RPS6KC1: variants seen among roughly 807,000 people sequenced by gnomAD.
RPS6KC1 encodes the protein ribosomal protein S6 kinase C1.
RPS6KC1 carries 54 observed loss-of-function variants against 103.8 expected under a neutral mutation model. The observed-to-expected ratio is 0.52, with a 90% CI of 0.42 to 0.65. The LOEUF (loss-of-function observed/expected upper bound fraction) is 0.65. Ranked by LOEUF, RPS6KC1 falls within the 30% of genes least tolerant of loss-of-function variation. RPS6KC1 has a pLI of 0.00. For missense variants in RPS6KC1, 1,151 were observed against 1,253.8 expected (o/e 0.92, Z 1.24); for synonymous variants, 439 against 438.7 (o/e 1.00, Z -0.01).
chr1:213,642,520 A>G, the RPS6KC1 span, among the ~76,000 whole-genome samples: 6 of 152,212 alleles, frequency 3.9e-5, no homozygotes, highest in South Asian at 1.2e-3. Context: ...GAAAGTGCCT[A>G]TTTTAATGCT....
At chr1:213,111,525 G>A (rs2083029120) in intron 4 of RPS6KC1, among the ~76,000 whole-genome samples, 1 of 151,908 alleles carries the variant, frequency 6.6e-6, no homozygotes, top group South Asian at 2.1e-4. Context: ...TGTTAAACTA[G>A]GTAAATAAAA....
the RPS6KC1 span, among the ~76,000 whole-genome samples, chr1:213,293,997 A>G: frequency 8.5e-5 from 13 of 152,314 alleles, no homozygotes; most frequent in South Asian, 2.7e-3. Flanking sequence ...CTTTGTTTAT[A>G]CTGAGCTTGA....
chr1:213,802,960 G>C, the RPS6KC1 span, among the ~76,000 whole-genome samples: 2 of 152,178 alleles, frequency 1.3e-5, no homozygotes, highest in South Asian at 4.1e-4. Context: ...GAAGAAAACA[G>C]ATAAGGGAGC....
At chr1:213,825,474 T>G in the RPS6KC1 span, among the ~76,000 whole-genome samples, 36 of 152,208 alleles carry the variant, frequency 2.4e-4, no homozygotes, top group African/African-American at 8.7e-4. Flanking sequence ...AACCCGGTGC[T>G]AGAGGGATAC....
the RPS6KC1 span, among the ~76,000 whole-genome samples, chr1:213,545,715 A>G: frequency 6.6e-6 from 1 of 152,206 alleles, no homozygotes; most frequent in African/African-American, 2.4e-5. Flanking sequence ...AATTCAACCC[A>G]TATGAGTATC....
At chr1:213,209,192 A>G (rs1446831921) in intron 8 of RPS6KC1, among the ~76,000 whole-genome samples, 2 of 151,924 alleles carry the variant, frequency 1.3e-5, no homozygotes, top group African/African-American at 4.8e-5. Context: ...CTTATTCTTA[A>G]TTGTTGTTTT....
chr1:213,107,763 C>A (rs985544711), intron 4 of RPS6KC1, among the ~76,000 whole-genome samples: 8 of 152,194 alleles, frequency 5.3e-5, no homozygotes, highest in South Asian at 4.1e-4. Context: ...AATGTTTGAA[C>A]TTACCAGTTG....
At chr1:213,260,031 G>A (rs554222278) in intron 12 of RPS6KC1, among the ~76,000 whole-genome samples, 2 of 152,234 alleles carry the variant, frequency 1.3e-5, no homozygotes, top group Admixed American at 6.5e-5. Flanking sequence ...GAGCCACCTC[G>A]CCTGGCCCTA....
chr1:213,808,704 AG>A, the RPS6KC1 span, among the ~76,000 whole-genome samples: 1 of 152,220 alleles, frequency 6.6e-6, no homozygotes, highest in East Asian at 1.9e-4. Flanking sequence ...TGACTAGGAA[AG>A]GGAACTCCCT....
At chr1:213,565,545 G>T in the RPS6KC1 span, among the ~76,000 whole-genome samples, 1 of 152,126 alleles carries the variant, frequency 6.6e-6, no homozygotes, top group Non-Finnish European at 1.5e-5. Context: ...CAACTCTAGC[G>T]CAATAAAACT....
At chr1:213,650,489 C>T in the RPS6KC1 span, among the ~76,000 whole-genome samples, 6 of 152,202 alleles carry the variant, frequency 3.9e-5, no homozygotes, top group African/African-American at 1.2e-4. Context: ...TCCTGACACA[C>T]TCAGGGAAAG....
At chr1:213,258,316 C>G (rs2094700520) in intron 12 of RPS6KC1, among the ~76,000 whole-genome samples, 1 of 152,134 alleles carries the variant, frequency 6.6e-6, no homozygotes, top group Non-Finnish European at 1.5e-5. Context: ...GTTGGCCAGG[C>G]TGGTCTCAAA....
At chr1:213,369,589 C>A in the RPS6KC1 span, among the ~76,000 whole-genome samples, 1 of 152,228 alleles carries the variant, frequency 6.6e-6, no homozygotes, top group Admixed American at 6.5e-5. Context: ...AGGGCTGAAC[C>A]TGCGTGGTGT....
At chr1:213,819,551 T>A in the RPS6KC1 span, 1 of 152,262 alleles carries the variant, frequency 6.6e-6, no homozygotes, top group African/African-American at 2.4e-5. Context: ...AGAGCACTGA[T>A]GGGACCTCAG....
chr1:213,479,915 G>C, the RPS6KC1 span, among the ~76,000 whole-genome samples: 5 of 151,766 alleles, frequency 3.3e-5, no homozygotes, highest in African/African-American at 1.2e-4. Flanking sequence ...TTATACAAAG[G>C]TACCCTGTAA....
At chr1:213,819,941 G>A in the RPS6KC1 span, 1 of 152,182 alleles carries the variant, frequency 6.6e-6, no homozygotes. Flanking sequence ...CTACCTTGGG[G>A]TGGGGGTGTT....
At chr1:213,419,349 T>C in the RPS6KC1 span, among the ~76,000 whole-genome samples, 6 of 152,348 alleles carry the variant, frequency 3.9e-5, no homozygotes, top group East Asian at 1.2e-3. Flanking sequence ...CTTCAACTCT[T>C]TTTTTGGTGA....
At chr1:213,137,789 A>ATT (rs2086498334) in intron 6 of RPS6KC1, among the ~76,000 whole-genome samples, 1 of 25,506 alleles carries the variant, frequency 3.9e-5, no homozygotes, top group African/African-American at 9.1e-5. Flanking sequence ...ATATATATAT[A>ATT]TATATATATA....
At chr1:213,517,398 G>T in the RPS6KC1 span, among the ~76,000 whole-genome samples, 15 of 152,150 alleles carry the variant, frequency 9.9e-5, no homozygotes, top group Admixed American at 3.9e-4. Context: ...ACACTGCTTT[G>T]AATGTGTCCC....
Sources: allele counts gnomAD v4.1 joint callset (sites outside exome capture counted in the v4.1 genomes callset), GRCh38; gene constraint gnomAD v4.1.1; transcripts MANE v1.5; gene names NCBI Gene and HGNC (gene_info 2026-07-23, HGNC 2026-07-21).